CDKL1: variants seen among roughly 807,000 people sequenced by gnomAD.
CDKL1 encodes the protein cyclin-dependent kinase-like 1.
In CDKL1, 41 loss-of-function variants were observed where a neutral mutation model predicts 42.0. The observed-to-expected ratio is 0.98, with a 90% CI of 0.76 to 1.27. The LOEUF (loss-of-function observed/expected upper bound fraction) is 1.27. Among genes scored for constraint, CDKL1 ranks in the 50% most tolerant of loss-of-function variants. The pLI is 0.00. For missense variants in CDKL1, 394 were observed against 428.4 expected, an observed-to-expected ratio of 0.92 and a Z score of 0.71; for synonymous variants, 153 against 158.6, an observed-to-expected ratio of 0.96 and a Z score of 0.26.
intron 5 of CDKL1, 84 bp from the exon 6 acceptor site, chr14:50,341,316 G>T: frequency 1.4e-6 from 2 of 1,475,178 alleles, no homozygotes; most frequent in Non-Finnish European, 1.8e-6. Context: ...AGTCAAGCCT[G>T]TGCCCAATTT....
At chr14:50,334,861 A>T (rs1387386400) in intron 7 of CDKL1, 1 of 383,054 alleles carries the variant, frequency 2.6e-6, no homozygotes, top group Non-Finnish European at 4.6e-6. Flanking sequence ...CTGCTCTGAT[A>T]CCAATGGAGA....
intron 4 of CDKL1, chr14:50,343,177 G>GTTTTTC (rs1566580369): frequency 2.5e-5 from 10 of 400,748 alleles, no homozygotes; most frequent in African/African-American, 2.2e-4. Context: ...TTTTTTTTGA[G>GTTTTTC]TTGGGTCAAA....
chr14:50,374,448 G>A (rs1734106936), intron 2 of CDKL1, among the ~76,000 whole-genome samples: 1 of 152,178 alleles, frequency 6.6e-6, no homozygotes, highest in Admixed American at 6.5e-5. Flanking sequence ...GGAGGTTGGG[G>A]AATCCTAGGA....
At chr14:50,391,062 T>C (rs775024697) in intron 2 of CDKL1, among the ~76,000 whole-genome samples, 17 of 152,168 alleles carry the variant, frequency 1.1e-4, no homozygotes, top group Non-Finnish European at 2.1e-4. Flanking sequence ...CTTGAACTCA[T>C]GGGCTCGAGA....
At chr14:50,395,235 A>T (rs11157742) in intron 2 of CDKL1, among the ~76,000 whole-genome samples, 1 of 152,180 alleles carries the variant, frequency 6.6e-6, no homozygotes, top group Non-Finnish European at 1.5e-5. Context: ...ATCAAATTGT[A>T]ATGGTCCTTG....
chr14:50,343,148 A>ATTTT, intron 4 of CDKL1: 1 of 519,134 alleles, frequency 1.9e-6, no homozygotes, highest in Non-Finnish European at 2.8e-6. Context: ...AACCTAATTA[A>ATTTT]GAGTTACTTT....
intron 7 of CDKL1, among the ~76,000 whole-genome samples, chr14:50,337,260 C>T (rs1171873206): frequency 2.6e-5 from 4 of 151,718 alleles, no homozygotes; most frequent in African/African-American, 4.8e-5. Context: ...CCACCTGCCT[C>T]GGCCTCCCAA....
chr14:50,388,527 G>T (rs2035154249), intron 2 of CDKL1, among the ~76,000 whole-genome samples: 1 of 152,172 alleles, frequency 6.6e-6, no homozygotes, highest in Non-Finnish European at 1.5e-5. Flanking sequence ...GTTGGCCGTT[G>T]GCCACAGCAC....
At chr14:50,352,196 T>C (rs2033923722) in intron 3 of CDKL1, among the ~76,000 whole-genome samples, 1 of 152,204 alleles carries the variant, frequency 6.6e-6, no homozygotes, top group African/African-American at 2.4e-5. Flanking sequence ...CCTCATAAAA[T>C]GATTTGGGAA....
At chr14:50,384,859 C>G (rs117724702) in intron 2 of CDKL1, among the ~76,000 whole-genome samples, 3,850 of 151,426 alleles carry the variant, frequency 0.025, 75 homozygotes, top group East Asian at 0.087. Flanking sequence ...TCACTTGAGG[C>G]CAAGAGTTCG....
rs1163146121 is a variant in CDKL1 at position 50,328,863 on chromosome 14, A to G, written c.*1211T>C. Reference sequence around the variant, plus strand: ...AAAAAATTAGCCAGTATAGTGGCACATGCCTGCAGTCCCAGCTACTTGGGA... The same window carrying G: ...AAAAAATTAGCCAGTATAGTGGCACGTGCCTGCAGTCCCAGCTACTTGGGA... On this transcript the variant is annotated 3_prime_UTR_variant, in exon 10 of 10. Coordinates refer to ENST00000395834, the MANE Select transcript of CDKL1 (RefSeq NM_004196.7). 2 of 151,608 alleles carry G rather than the reference A, an allele frequency of 1.3e-5. No individual in the cohort carries two copies. Among genetic ancestry groups the G allele is most frequent in the East Asian group, 1.9e-4 (1 of 5,166 alleles). 9.4% of individuals were successfully genotyped at this position (151,608 alleles called of 1,614,324 possible). A position where few individuals can be genotyped will look rare whatever the true frequency, so the allele number is the denominator to read the frequency against.
intron 3 of CDKL1, among the ~76,000 whole-genome samples, chr14:50,350,321 C>T (rs1244551990): frequency 6.6e-6 from 1 of 152,174 alleles, no homozygotes; most frequent in East Asian, 1.9e-4. Flanking sequence ...TGGCTGAGCT[C>T]TAGGGCAGAG....
At chr14:50,345,822 A>G (rs1322872897) in intron 3 of CDKL1, among the ~76,000 whole-genome samples, 2 of 152,188 alleles carry the variant, frequency 1.3e-5, no homozygotes, top group Non-Finnish European at 2.9e-5. Flanking sequence ...ACTTCAAGCC[A>G]CTGCTCCCAG....
intron 7 of CDKL1, chr14:50,336,182 C>T (rs767838001): frequency 9.6e-6 from 13 of 1,360,394 alleles, no homozygotes; most frequent in South Asian, 9.2e-5. Flanking sequence ...CAGAAGCAAG[C>T]AGGCCTCCCT....
intron 2 of CDKL1, among the ~76,000 whole-genome samples, chr14:50,382,497 C>T (rs73277657): frequency 0.098 from 14,821 of 151,636 alleles, 783 homozygotes; most frequent in African/African-American, 0.14. Flanking sequence ...AAGACACAAG[C>T]CTTGCCCCTT....
intron 2 of CDKL1, among the ~76,000 whole-genome samples, chr14:50,392,011 A>C (rs7155748): frequency 0.65 from 98,809 of 152,036 alleles, 32,379 homozygotes; most frequent in Middle Eastern, 0.72. Context: ...TGAAGGTTTC[A>C]TTCCTGCCTC....
intron 8 of CDKL1, chr14:50,333,859 T>C (rs1236760862): frequency 2.0e-5 from 3 of 151,264 alleles, no homozygotes; most frequent in African/African-American, 7.3e-5. Context: ...ATACCATACC[T>C]CATTTTACAT....
At chr14:50,336,221 CTG>C (rs746150983) in intron 7 of CDKL1, 28 of 1,328,846 alleles carry the variant, frequency 2.1e-5, no homozygotes, top group African/African-American at 5.9e-5. Flanking sequence ...GGCAGAGGGA[CTG>C]GGGCACAGAT....
At chr14:50,390,240 A>C in intron 2 of CDKL1, 1 of 1,365,776 alleles carries the variant, frequency 7.3e-7, no homozygotes, top group Non-Finnish European at 9.8e-7. Context: ...GCCCTTGACC[A>C]ATGCTGGTCT....
Sources: allele counts gnomAD v4.1 joint callset (sites outside exome capture counted in the v4.1 genomes callset), GRCh38; gene constraint gnomAD v4.1.1; transcripts MANE v1.5; gene names NCBI Gene and HGNC (gene_info 2026-07-23, HGNC 2026-07-21).